The following GALNT18 variants were observed in gnomAD, a reference collection of about 807,000 sequenced individuals.
GALNT18 encodes polypeptide N-acetylgalactosaminyltransferase 18.
A neutral mutation model predicts 69.5 loss-of-function variants in GALNT18; 44 were observed. That is an observed-to-expected ratio of 0.63 (90% CI 0.50 to 0.81). The LOEUF (loss-of-function observed/expected upper bound fraction) is 0.81, where lower values mean the gene tolerates loss of function less well. Ranked by LOEUF, GALNT18 falls within the 40% of genes least tolerant of loss-of-function variation. The probability of loss-of-function intolerance (pLI) is 0.00; values close to 1 mark genes in which losing one functional copy is unlikely to be tolerated. For missense variants in GALNT18, 715 were observed against 810.0 expected, an observed-to-expected ratio of 0.88 and a Z score of 1.42; for synonymous variants, 364 against 318.2, an observed-to-expected ratio of 1.14 and a Z score of -1.53.
chr11:11,271,540 T>G (rs866820270), intron 10 of GALNT18, among the ~76,000 whole-genome samples: 1 of 152,144 alleles, frequency 6.6e-6, no homozygotes, highest in South Asian at 2.1e-4. Context: ...TCCCCACCCC[T>G]AGGTAGTTCT....
rs577201506 is a variant in GALNT18, at chr11:11,432,455, C to T, written c.595+166G>A. 3.5e-4 allele frequency among the ~76,000 whole-genome samples: 54 copies of T among 152,302 alleles called. 1 individual carries two copies. The highest frequency in any genetic ancestry group is 1.1e-3 in the African/African-American group (44 of 41,568). Reference sequence around the variant, plus strand: ...CTGGGATGCAGAGGCCATGCTCAGACGGAGTGAACCTTCTGAAGCAGTGGC... The same window carrying T: ...CTGGGATGCAGAGGCCATGCTCAGATGGAGTGAACCTTCTGAAGCAGTGGC... On this transcript the variant is annotated intron_variant, in intron 3 of 10. Coordinates refer to ENST00000227756, the MANE Select transcript of GALNT18 (RefSeq NM_198516.3). This position sits in a 1 kb window ranked among gnomAD's most constrained non-coding sequence, Gnocchi z 5.8.
At position 11,617,656 on chromosome 11, in the gene GALNT18, T is replaced by A. The variant is rs1465180050; in HGVS notation, c.235+3703A>T. Among the ~76,000 whole-genome samples, 2 of 152,224 alleles carry A rather than the reference T, an allele frequency of 1.3e-5. No homozygotes were observed. The highest frequency in any genetic ancestry group is 4.8e-5 in the African/African-American group (2 of 41,458). On this transcript the variant is annotated intron_variant, in intron 1 of 10. Coordinates refer to ENST00000227756, the MANE Select transcript of GALNT18 (RefSeq NM_198516.3). The surrounding 1 kb of genome is among the most constrained non-coding windows in gnomAD (Gnocchi z 4.7). ...AATTATGGGCAATTTTATGCATTTT[T>A]AAATATTTTCTTAAACATTGGCACA...
Position 11,389,034 on chromosome 11 carries a change from G to C in GALNT18, c.596-9770C>G, listed in dbSNP as rs942745748. The stretch of plus-strand genomic sequence containing the variant: ...ACAGCCCAGAGAGGCTAAAGGATTT[G>C]CCCAGTATCACAGAGCTAGAAGATG... On this transcript the variant is annotated intron_variant, in intron 3 of 10. Coordinates refer to ENST00000227756, the MANE Select transcript of GALNT18 (RefSeq NM_198516.3). The surrounding 1 kb of genome is among the most constrained non-coding windows in gnomAD (Gnocchi z 4.3). Among the ~76,000 whole-genome samples the C allele has an allele frequency of 1.3e-5, 2 of 152,182 alleles. No individual in the cohort carries two copies. Among genetic ancestry groups the C allele is most frequent in the African/African-American group, 4.8e-5 (2 of 41,438 alleles).
At chr11:11,482,275 C>T (rs549119965) in intron 1 of GALNT18, among the ~76,000 whole-genome samples, 1 of 152,212 alleles carries the variant, frequency 6.6e-6, no homozygotes, top group Non-Finnish European at 1.5e-5. Context: ...GTGCCAGCCC[C>T]GTGCAGTGGG....
chr11:11,486,269 G>A (rs1856643103), intron 1 of GALNT18, among the ~76,000 whole-genome samples: 1 of 152,112 alleles, frequency 6.6e-6, no homozygotes, highest in Admixed American at 6.5e-5. Context: ...AAACTTCTCT[G>A]CCTGTCACAA....
At chr11:11,417,009 C>T (rs1356215737) in intron 3 of GALNT18, among the ~76,000 whole-genome samples, 1 of 152,202 alleles carries the variant, frequency 6.6e-6, no homozygotes, top group Non-Finnish European at 1.5e-5. Context: ...GCCTGGTCGG[C>T]TTTCTCAGGC....
chr11:11,311,256 G>T (rs918917619), intron 9 of GALNT18, among the ~76,000 whole-genome samples: 5 of 152,142 alleles, frequency 3.3e-5, no homozygotes, highest in Non-Finnish European at 7.4e-5. Flanking sequence ...TCTACACTTG[G>T]TGCAAGGGAC....
At chr11:11,393,099 T>C (rs1303549734) in intron 3 of GALNT18, among the ~76,000 whole-genome samples, 3 of 152,132 alleles carry the variant, frequency 2.0e-5, no homozygotes, top group African/African-American at 7.2e-5. Context: ...AGCAGCGAAG[T>C]GGGTGGGGCT....
chr11:11,418,311 G>A (rs1854914177), intron 3 of GALNT18, among the ~76,000 whole-genome samples: 2 of 152,306 alleles, frequency 1.3e-5, no homozygotes, highest in East Asian at 1.9e-4. Flanking sequence ...TATGAGATGG[G>A]GAGAAATACT....
rs1326831329 is a variant in GALNT18, at chr11:11,448,849, T to C, written c.323A>G (p.Glu108Gly). The change falls in exon 2 of 11, where the codon GAA (glutamate) becomes GGA (glycine). Residue 108 changes from glutamate (E) to glycine (G), a missense_variant. Physicochemically the swap from Glu to Gly is moderately conservative, Grantham distance 98. Transcript: ENST00000227756. Reference sequence around the variant, plus strand: ...TTGCTTCAGGGCCACGCGCCGGCCTTCGGGGCTGAGCTCCTGGCCCCAGTG... The same window carrying C: ...TTGCTTCAGGGCCACGCGCCGGCCTCCGGGGCTGAGCTCCTGGCCCCAGTG... ...FAHWGQELSP[E>G]GRRVALKQFQ... is the part of the protein sequence containing the mutation. The C allele has an allele frequency of 6.2e-7, 1 of 1,611,110 alleles. No individual in the cohort carries two copies. The highest frequency in any genetic ancestry group is 8.5e-7 in the Non-Finnish European group (1 of 1,178,864).
intron 9 of GALNT18, among the ~76,000 whole-genome samples, chr11:11,322,539 C>T (rs1019639240): frequency 3.3e-5 from 5 of 152,206 alleles, no homozygotes; most frequent in African/African-American, 7.2e-5. Context: ...GCTGAAAACC[C>T]AGGTGCCCGA....
intron 10 of GALNT18, among the ~76,000 whole-genome samples, chr11:11,287,424 C>T (rs552571929): frequency 3.3e-5 from 5 of 152,188 alleles, no homozygotes; most frequent in South Asian, 2.1e-4. Flanking sequence ...TTGTTACTAC[C>T]GAGAGTCAGT....
In GALNT18 at chr11:11,619,136, C is replaced by T. The variant is rs146170671; in HGVS notation, c.235+2223G>A. Among the ~76,000 whole-genome samples the T allele has an allele frequency of 6.6e-6, 1 of 152,262 alleles. No homozygotes were observed. The highest frequency in any genetic ancestry group is 6.5e-5 in the Admixed American group (1 of 15,296). On this transcript the variant is annotated intron_variant, in intron 1 of 10. Coordinates refer to ENST00000227756, the MANE Select transcript of GALNT18 (RefSeq NM_198516.3). The surrounding 1 kb of genome is among the most constrained non-coding windows in gnomAD (Gnocchi z 4.9). ...GGCACAGCCAACCTGGTAACCTCTG[C>T]CCCTGCCTGCCTCATTTCCAGTCTT...
At chr11:11,348,505 C>T (rs1308143376) in intron 6 of GALNT18, among the ~76,000 whole-genome samples, 1 of 152,054 alleles carries the variant, frequency 6.6e-6, no homozygotes, top group Non-Finnish European at 1.5e-5. Context: ...AAGACAATGT[C>T]AGTGTGGAGA....
intron 1 of GALNT18, among the ~76,000 whole-genome samples, chr11:11,468,243 A>G (rs956900490): frequency 1.3e-5 from 2 of 152,170 alleles, no homozygotes; most frequent in African/African-American, 4.8e-5. Context: ...TGTTTTCCTC[A>G]TCTGAACGTC....
chr11:11,473,317 C>A (rs912179878), intron 1 of GALNT18, among the ~76,000 whole-genome samples: 1 of 152,192 alleles, frequency 6.6e-6, no homozygotes, highest in South Asian at 2.1e-4. Context: ...TGAAAGCACT[C>A]CAGGCCCAGA....
chr11:11,431,902 A>C (rs188587152), intron 3 of GALNT18, among the ~76,000 whole-genome samples: 60 of 152,322 alleles, frequency 3.9e-4, no homozygotes, highest in African/African-American at 1.3e-3. Flanking sequence ...CTGTCTCAAA[A>C]TGTGGTCTTT....
intron 2 of GALNT18, among the ~76,000 whole-genome samples, chr11:11,447,516 G>A (rs1855683677): frequency 6.6e-6 from 1 of 152,162 alleles, no homozygotes. Flanking sequence ...CCTTGTATTA[G>A]TCCATTCTCA....
At chr11:11,271,724 C>T (rs1468432268) in intron 10 of GALNT18, among the ~76,000 whole-genome samples, 1 of 149,962 alleles carries the variant, frequency 6.7e-6, no homozygotes, top group Non-Finnish European at 1.5e-5. Context: ...CCAGTTGGAC[C>T]TCTGGAGTCA....
Sources: gnomAD v4.1 joint callset for allele counts (sites outside exome capture counted in the v4.1 genomes callset) on GRCh38, gnomAD v4.1.1 for gene constraint, Gnocchi (gnomAD v3.1) non-coding constraint, MANE v1.5 for transcripts, NCBI Gene and HGNC (gene_info 2026-07-23, HGNC 2026-07-21) for gene names.